SLA: variants seen among roughly 807,000 people sequenced by gnomAD.
SLA encodes Src like adaptor.
Under a neutral mutation model 30.3 loss-of-function variants are expected in SLA, and 16 were observed. The observed-to-expected ratio is 0.53, with a 90% CI of 0.36 to 0.80. The LOEUF is 0.80. Among genes scored for constraint, SLA ranks in the 30% least tolerant of loss-of-function variants. The probability of loss-of-function intolerance (pLI) is 0.01; values close to 1 mark genes in which losing one functional copy is unlikely to be tolerated. For synonymous variants in SLA, 143 were observed against 137.8 expected, an observed-to-expected ratio of 1.04 and a Z score of -0.26; for missense variants, 310 against 345.2, an observed-to-expected ratio of 0.90 and a Z score of 0.81.
At position 133,038,092 on chromosome 8, in the gene SLA, A is replaced by G. The variant is rs1297825885; in HGVS notation, c.*432T>C. On this transcript the variant is annotated 3_prime_UTR_variant, in exon 9 of 9. Transcript: ENST00000338087. ...CTGCAAACCCAGACCTTCTGCCAGG[A>G]CACAGCTTTTGTTTCCTCTCCCTCT... 5.7e-6 allele frequency: 1 copy of G among 175,530 alleles called. No individual in the cohort carries two copies. Among genetic ancestry groups the G allele is most frequent in the African/African-American group, 2.4e-5 (1 of 41,788 alleles). 10.9% of individuals were successfully genotyped at this position (175,530 alleles called of 1,614,324 possible). A position where few individuals can be genotyped will look rare whatever the true frequency, so the allele number is the denominator to read the frequency against.
intron 2 of SLA, among the ~76,000 whole-genome samples, chr8:133,070,298 G>T (rs780015837): frequency 6.6e-6 from 1 of 152,162 alleles, no homozygotes; most frequent in Non-Finnish European, 1.5e-5. Context: ...GACACCACTG[G>T]AGCGAACCGA....
intron 1 of SLA, among the ~76,000 whole-genome samples, chr8:133,082,292 C>A (rs1306285799): frequency 6.6e-6 from 1 of 152,130 alleles, no homozygotes; most frequent in African/African-American, 2.4e-5. Flanking sequence ...CAGTTATTGA[C>A]AGCTAGCTTT....
At chr8:133,074,715 G>T (rs1844603101) in intron 2 of SLA, 138 bp downstream of exon 2, 1 of 299,220 alleles carries the variant, frequency 3.3e-6, no homozygotes, top group Non-Finnish European at 4.9e-6. Context: ...TTGGGGGCTG[G>T]GCTTCTCTCA....
chr8:133,050,292 T>C (rs981632276), intron 4 of SLA: 1 of 423,892 alleles, frequency 2.4e-6, no homozygotes, highest in African/African-American at 2.0e-5. Flanking sequence ...AATAAATGTT[T>C]ACTATGTTGA....
chr8:133,062,886 C>G lies in SLA; in HGVS notation c.-40-2686G>C, dbSNP rs569100676. 5.7e-3 allele frequency among the ~76,000 whole-genome samples: 862 copies of G among 152,232 alleles called. 4 individuals are homozygous for G. The highest frequency in any genetic ancestry group is 0.01 in the Admixed American group (155 of 15,302). On this transcript the variant is annotated intron_variant, in intron 2 of 8. Transcript: ENST00000338087. Reference sequence around the variant, plus strand: ...TCAGGAAGCATGTGTGTGACATGCACAGGCTGCTCTGCTACGCACAGGCCT... The same window carrying G: ...TCAGGAAGCATGTGTGTGACATGCAGAGGCTGCTCTGCTACGCACAGGCCT...
chr8:133,089,347 G>C (rs1413710542), intron 1 of SLA, among the ~76,000 whole-genome samples: 1 of 152,208 alleles, frequency 6.6e-6, no homozygotes, highest in Non-Finnish European at 1.5e-5. Context: ...AGGAGGTATT[G>C]ATGCTCCATC....
chr8:133,057,787 A>C (rs937880308), intron 3 of SLA, among the ~76,000 whole-genome samples: 21 of 149,202 alleles, frequency 1.4e-4, no homozygotes, highest in East Asian at 1.2e-3. Context: ...AAAAAAAAAA[A>C]CAAAAAAACA....
chr8:133,040,570 T>C (rs1383341548), intron 7 of SLA, among the ~76,000 whole-genome samples: 2 of 152,116 alleles, frequency 1.3e-5, no homozygotes, highest in African/African-American at 2.4e-5. Flanking sequence ...GGTGTGAGAA[T>C]GGGGCTGCAT....
rs374409634 is a variant in SLA, at chr8:133,061,729, G to C, written c.-40-1529C>G. Among the ~76,000 whole-genome samples the C allele has an allele frequency of 9.3e-4, 142 of 152,228 alleles. 8 individuals are homozygous for C. The South Asian group carries it at 0.028, about 30-fold the overall frequency. On this transcript the variant is annotated intron_variant, in intron 2 of 8. Coordinates refer to ENST00000338087, the MANE Select transcript of SLA (RefSeq NM_001045556.3). The stretch of plus-strand genomic sequence containing the variant: ...GCAGCTCAGGATCAAACCTTATGAA[G>C]GGCACAAAAGTCAGCCCATCCAACT...
rs116976041 is a variant in SLA, at chr8:133,081,665, G to A, written c.-318-6535C>T. 7.3e-3 allele frequency among the ~76,000 whole-genome samples: 1,110 copies of A among 152,342 alleles called. 7 individuals are homozygous for A. The highest frequency in any genetic ancestry group is 0.017 in the Middle Eastern group (5 of 294). Reference sequence around the variant, plus strand: ...TGCACAGATATGTTGATTCGTTCAAGCTGTTCTCTTCTGTCATTGCTCAAC... The same window carrying A: ...TGCACAGATATGTTGATTCGTTCAAACTGTTCTCTTCTGTCATTGCTCAAC... On this transcript the variant is annotated intron_variant, in intron 1 of 8. Transcript: ENST00000338087.
intron 5 of SLA, chr8:133,049,077 G>GCGA (rs1447074948): frequency 6.8e-6 from 3 of 441,436 alleles, no homozygotes; most frequent in East Asian, 1.4e-4. Context: ...AGGAGGTGAA[G>GCGA]CGACTTTTAC....
intron 1 of SLA, chr8:133,095,338 G>A (rs1848243997): frequency 7.8e-7 from 1 of 1,274,396 alleles, no homozygotes; most frequent in African/African-American, 1.5e-5. Flanking sequence ...ACTGGAGCTG[G>A]AACTCACATT....
At chr8:133,058,582 A>G (rs977275207) in intron 3 of SLA, among the ~76,000 whole-genome samples, 1 of 152,158 alleles carries the variant, frequency 6.6e-6, no homozygotes, top group Non-Finnish European at 1.5e-5. Flanking sequence ...GCCTGGGCTC[A>G]GGGCCCTGCG....
At chr8:133,094,869 C>A in intron 1 of SLA, 1 of 802,608 alleles carries the variant, frequency 1.2e-6, no homozygotes. Context: ...ACACTGCATG[C>A]TGATATGCTG....
chr8:133,051,586 G>A (rs1033809456), intron 3 of SLA, among the ~76,000 whole-genome samples: 17 of 152,180 alleles, frequency 1.1e-4, no homozygotes, highest in Admixed American at 8.5e-4. Context: ...GAAAAACTTA[G>A]TACTTTTCCT....
chr8:133,076,656 C>T (rs1398842852), intron 1 of SLA: 1 of 149,760 alleles, frequency 6.7e-6, no homozygotes, highest in African/African-American at 2.5e-5. Flanking sequence ...AGACACTTAC[C>T]AAGAAAGAAT....
intron 1 of SLA, among the ~76,000 whole-genome samples, chr8:133,093,106 T>G (rs909143228): frequency 6.7e-5 from 10 of 149,450 alleles, no homozygotes; most frequent in African/African-American, 2.2e-4. Flanking sequence ...ATATTTTGAG[T>G]GTGTGTGTGT....
chr8:133,062,633 G>A (rs1249508868), intron 2 of SLA, among the ~76,000 whole-genome samples: 1 of 152,196 alleles, frequency 6.6e-6, no homozygotes, highest in Non-Finnish European at 1.5e-5. Context: ...TCCTGCACAG[G>A]CCTCGGGAAG....
intron 1 of SLA, among the ~76,000 whole-genome samples, chr8:133,090,817 C>T (rs1036395753): frequency 3.9e-5 from 6 of 152,126 alleles, no homozygotes; most frequent in Non-Finnish European, 5.9e-5. Context: ...AATTAAAACC[C>T]CAGTCTATCT....
Sources: gnomAD v4.1 joint callset for allele counts (sites outside exome capture counted in the v4.1 genomes callset) on GRCh38, gnomAD v4.1.1 for gene constraint, MANE v1.5 for transcripts, NCBI Gene and HGNC (gene_info 2026-07-23, HGNC 2026-07-21) for gene names.